The following CTDSPL2 variants were observed in gnomAD, a reference collection of about 807,000 sequenced individuals.
The protein encoded by CTDSPL2 is CTD small phosphatase-like protein 2.
A neutral mutation model predicts 60.0 loss-of-function variants in CTDSPL2; 5 were observed. The ratio of observed to expected loss-of-function variants is 0.08; its 90% confidence interval spans 0.04 to 0.18. The LOEUF is 0.18. Ranked by LOEUF, CTDSPL2 falls within the 10% of genes least tolerant of loss-of-function variation. The pLI, the probability that CTDSPL2 is intolerant of heterozygous loss-of-function variation, is 1.00. For missense variants in CTDSPL2, 370 were observed against 548.8 expected (o/e 0.67, Z 3.26); for synonymous variants, 186 against 189.3 (o/e 0.98, Z 0.14).
intron 2 of CTDSPL2, 100 bp downstream of exon 2, chr15:44,459,300 G>A: frequency 1.4e-6 from 1 of 727,272 alleles, no homozygotes. Context: ...GCCCCAGGCA[G>A]GTGGATCACG....
intron 12 of CTDSPL2, 53 bp from the exon 13 acceptor site, chr15:44,524,056 A>T (rs2081834380): frequency 1.5e-6 from 2 of 1,338,348 alleles, no homozygotes; most frequent in Non-Finnish European, 2.2e-6. Flanking sequence ...TGTTATGAGG[A>T]TCATATCTTT....
intron 10 of CTDSPL2, among the ~76,000 whole-genome samples, chr15:44,515,588 G>C (rs1196238002): frequency 1.3e-5 from 2 of 152,128 alleles, no homozygotes; most frequent in Non-Finnish European, 2.9e-5. Flanking sequence ...AGCTTTAATA[G>C]GGCCAGGCGC....
At chr15:44,464,816 G>A (rs1003301818) in intron 2 of CTDSPL2, among the ~76,000 whole-genome samples, 4 of 152,070 alleles carry the variant, frequency 2.6e-5, no homozygotes, top group South Asian at 2.1e-4. Flanking sequence ...GCGATTTCTC[G>A]TGCCTCAGCC....
Position 44,469,620 on chromosome 15 carries a change from G to A in CTDSPL2, c.186+10420G>A, listed in dbSNP as rs529847570. ...AATTTGATTTCTTTGGTATTTTTTG[G>A]TACTTACTAGCACATATTCTATCTT... On this transcript the variant is annotated intron_variant, in intron 2 of 12. Transcript: ENST00000260327. Among the ~76,000 whole-genome samples, 26 of 151,672 alleles carry A rather than the reference G, an allele frequency of 1.7e-4. No homozygotes were observed. In the South Asian group the frequency reaches 5.4e-3, roughly 32 times the overall value.
At chr15:44,441,472 C>G (rs61185650) in intron 1 of CTDSPL2, among the ~76,000 whole-genome samples, 14,021 of 152,196 alleles carry the variant, frequency 0.092, 1,320 homozygotes, top group East Asian at 0.23. Flanking sequence ...CAAATGGTTT[C>G]AATTGCCCTT....
chr15:44,483,295 CAT>C (rs989174733), intron 2 of CTDSPL2, among the ~76,000 whole-genome samples: 19 of 151,468 alleles, frequency 1.3e-4, no homozygotes, highest in African/African-American at 4.1e-4. Flanking sequence ...AAAAATCACT[CAT>C]GTGCATGACT....
At chr15:44,445,953 T>C (rs1434015610) in intron 1 of CTDSPL2, among the ~76,000 whole-genome samples, 7 of 149,616 alleles carry the variant, frequency 4.7e-5, no homozygotes, top group African/African-American at 1.2e-4. Flanking sequence ...TTTTTTTTTT[T>C]CTCGCTTTGT....
intron 5 of CTDSPL2, among the ~76,000 whole-genome samples, chr15:44,493,935 A>G (rs990142261): frequency 6.6e-6 from 1 of 152,204 alleles, no homozygotes; most frequent in Admixed American, 6.5e-5. Context: ...TCTGCTTTAC[A>G]TCTGATGTCA....
At chr15:44,458,432 A>G (rs571083290) in intron 1 of CTDSPL2, among the ~76,000 whole-genome samples, 31 of 152,310 alleles carry the variant, frequency 2.0e-4, no homozygotes, top group Non-Finnish European at 3.4e-4. Flanking sequence ...ATGTGGTAAG[A>G]TAGGACTTTC....
At chr15:44,438,916 C>A (rs913763012) in intron 1 of CTDSPL2, among the ~76,000 whole-genome samples, 2 of 152,004 alleles carry the variant, frequency 1.3e-5, no homozygotes, top group Non-Finnish European at 2.9e-5. Context: ...TTTTTGTATT[C>A]CTGAAAGGAG....
chr15:44,489,538 G>T (rs2081182001), intron 4 of CTDSPL2, among the ~76,000 whole-genome samples: 1 of 152,168 alleles, frequency 6.6e-6, no homozygotes, highest in South Asian at 2.1e-4. Flanking sequence ...TACAGTATTA[G>T]AATTTTAGGC....
chr15:44,521,094 G>A (rs990533205), intron 11 of CTDSPL2: 8 of 285,024 alleles, frequency 2.8e-5, no homozygotes, highest in African/African-American at 1.6e-4. Flanking sequence ...TATACTCTGA[G>A]AAGAAATGAC....
intron 5 of CTDSPL2, among the ~76,000 whole-genome samples, chr15:44,494,572 TG>T (rs1299725086): frequency 6.6e-6 from 1 of 151,766 alleles, no homozygotes; most frequent in Non-Finnish European, 1.5e-5. Context: ...TGCTCCAGCC[TG>T]GGCAACAGAG....
chr15:44,440,279 TCTGCCTCCCAGGTTTAAGCGATTTTC>T, intron 1 of CTDSPL2, among the ~76,000 whole-genome samples: 1 of 149,382 alleles, frequency 6.7e-6, no homozygotes, highest in Non-Finnish European at 1.5e-5. Flanking sequence ...CACTACAACC[TCTGCCTCCCAGGTTTAAGCGATTTTC>T]CTGCCTCAGC....
chr15:44,471,557 C>T (rs1166542630), intron 2 of CTDSPL2, among the ~76,000 whole-genome samples: 2 of 152,058 alleles, frequency 1.3e-5, no homozygotes, highest in African/African-American at 2.4e-5. Context: ...TTACCCTGCC[C>T]CTTTATTATG....
intron 2 of CTDSPL2, among the ~76,000 whole-genome samples, chr15:44,465,350 A>C (rs2080664320): frequency 6.6e-6 from 1 of 152,200 alleles, no homozygotes; most frequent in South Asian, 2.1e-4. Context: ...TCATAACAAA[A>C]TGACCTTTTC....
chr15:44,459,934 T>C (rs2080529779), intron 2 of CTDSPL2, among the ~76,000 whole-genome samples: 1 of 152,122 alleles, frequency 6.6e-6, no homozygotes, highest in Non-Finnish European at 1.5e-5. Context: ...ACCAGGAGTC[T>C]TGTACTCCAG....
chr15:44,433,767 T>C (rs913446913), intron 1 of CTDSPL2, among the ~76,000 whole-genome samples: 3 of 149,152 alleles, frequency 2.0e-5, no homozygotes, highest in Non-Finnish European at 1.5e-5. Context: ...CTGACCAACA[T>C]GGTAAAACCC....
chr15:44,452,861 C>G (rs528122768), intron 1 of CTDSPL2, among the ~76,000 whole-genome samples: 2 of 152,010 alleles, frequency 1.3e-5, no homozygotes, highest in Non-Finnish European at 2.9e-5. Context: ...ATATTTTTGC[C>G]TGTTTTTTCT....
Sources: gnomAD v4.1 joint callset for allele counts (sites outside exome capture counted in the v4.1 genomes callset) on GRCh38, gnomAD v4.1.1 for gene constraint, MANE v1.5 for transcripts, NCBI Gene and HGNC (gene_info 2026-07-23, HGNC 2026-07-21) for gene names.